The following SESN3 variants were observed in gnomAD, a reference collection of about 807,000 sequenced individuals.
SESN3 encodes sestrin 3.
Under a neutral mutation model 55.3 loss-of-function variants are expected in SESN3, and 21 were observed. That is an observed-to-expected ratio of 0.38 (90% CI 0.27 to 0.55). The LOEUF is 0.55. Ranked by LOEUF, SESN3 falls within the 20% of genes least tolerant of loss-of-function variation. The pLI is 0.76. For missense variants in SESN3, 408 were observed against 604.3 expected (o/e 0.68, Z 3.41); for synonymous variants, 181 against 203.1 (o/e 0.89, Z 0.93).
At chr11:95,177,972 T>G in intron 7 of SESN3, 63 bp from the exon 8 acceptor site, 1 of 1,141,710 alleles carries the variant, frequency 8.8e-7, no homozygotes, top group Non-Finnish European at 1.2e-6. Context: ...CTATGTATTA[T>G]TAAATATAAC....
At chr11:95,213,402 A>G (rs1860695154) in intron 1 of SESN3, among the ~76,000 whole-genome samples, 1 of 152,208 alleles carries the variant, frequency 6.6e-6, no homozygotes, top group Non-Finnish European at 1.5e-5. Context: ...ACAAAGGAAA[A>G]AGACAAAGTA....
intron 8 of SESN3, among the ~76,000 whole-genome samples, chr11:95,176,074 GT>G (rs1232642600): frequency 1.3e-5 from 2 of 152,176 alleles, no homozygotes; most frequent in African/African-American, 4.8e-5. Flanking sequence ...AGGACTTGAG[GT>G]AGGAGTCAAG....
intron 1 of SESN3, among the ~76,000 whole-genome samples, chr11:95,195,106 A>G (rs1332890672): frequency 6.6e-6 from 1 of 152,176 alleles, no homozygotes; most frequent in African/African-American, 2.4e-5. Flanking sequence ...ATAATAAAAA[A>G]TACATAAAAT....
In SESN3 at chr11:95,231,178, C is replaced by A; in HGVS notation, c.-318G>T. On this transcript the variant is annotated 5_prime_UTR_variant, in exon 1 of 10. Coordinates refer to ENST00000536441, the MANE Select transcript of SESN3 (RefSeq NM_144665.4). ...CAGCCGCCACCGCTGCCACCGCCACCACCGCCGCCGCAGCGCCTCAGTGCG... is the reference window on the plus strand; with the variant it reads ...CAGCCGCCACCGCTGCCACCGCCACAACCGCCGCCGCAGCGCCTCAGTGCG... 2 of 418,456 alleles carry A rather than the reference C, an allele frequency of 4.8e-6. No individual in the cohort carries two copies. The allele number at this position is 418,456 out of a possible 1,614,324, so 25.9% of individuals were successfully genotyped here.
At position 95,215,361 on chromosome 11, in the gene SESN3, G is replaced by A. The variant is rs146343669; in HGVS notation, c.78+15422C>T. 5.7e-4 allele frequency among the ~76,000 whole-genome samples: 86 copies of A among 152,200 alleles called. 1 individual carries two copies. Among genetic ancestry groups the A allele is most frequent in the African/African-American group, 1.7e-3 (72 of 41,540 alleles). On this transcript the variant is annotated intron_variant, in intron 1 of 9. Coordinates refer to ENST00000536441, the MANE Select transcript of SESN3 (RefSeq NM_144665.4). ...CATCGTCCTAGACATGAAACAAACT[G>A]ATTTGCCTACGGAATTGTTATTCTT...
At chr11:95,214,795 A>AT (rs1268456143) in intron 1 of SESN3, among the ~76,000 whole-genome samples, 3 of 152,210 alleles carry the variant, frequency 2.0e-5, no homozygotes, top group Non-Finnish European at 2.9e-5. Context: ...CTAAGATGGA[A>AT]AGACCTACCA....
chr11:95,193,575 T>A, intron 1 of SESN3, 53 bp from the exon 2 acceptor site: 1 of 990,696 alleles, frequency 1.0e-6, no homozygotes, highest in Non-Finnish European at 1.6e-6. Flanking sequence ...TAAGAAATGT[T>A]AAATTTGTAC....
At chr11:95,217,360 C>T (rs971229331) in intron 1 of SESN3, among the ~76,000 whole-genome samples, 2 of 152,044 alleles carry the variant, frequency 1.3e-5, no homozygotes, top group African/African-American at 4.8e-5. Context: ...CATTATTAAA[C>T]TACTTAACTG....
At chr11:95,178,624 G>A in intron 7 of SESN3, 86 bp downstream of exon 7, 1 of 822,766 alleles carries the variant, frequency 1.2e-6, no homozygotes, top group Admixed American at 1.9e-5. Flanking sequence ...ATCAAAAATT[G>A]TTTAGTGCCA....
In SESN3 at chr11:95,168,323, C is replaced by T. The variant is rs1198522053; in HGVS notation, c.*4932G>A. The stretch of plus-strand genomic sequence containing the variant: ...AACAGTATTCATTCATAACCTAATA[C>T]AAATCCAAGTTAGGATGGCAATTCA... On this transcript the variant is annotated 3_prime_UTR_variant, in exon 10 of 10. Transcript: ENST00000536441. 1 of 152,180 alleles carries T rather than the reference C, an allele frequency of 6.6e-6. No homozygotes were observed. Among genetic ancestry groups the T allele is most frequent in the East Asian group, 1.9e-4 (1 of 5,200 alleles). 9.4% of individuals were successfully genotyped at this position (152,180 alleles called of 1,614,324 possible).
At chr11:95,186,780 T>C (rs1455460082) in intron 4 of SESN3, among the ~76,000 whole-genome samples, 2 of 151,772 alleles carry the variant, frequency 1.3e-5, no homozygotes, top group African/African-American at 2.4e-5. Context: ...GACAAAAATA[T>C]CATTATTATA....
At chr11:95,198,383 TA>T (rs1860402657) in intron 1 of SESN3, among the ~76,000 whole-genome samples, 1 of 151,342 alleles carries the variant, frequency 6.6e-6, no homozygotes, top group Non-Finnish European at 1.5e-5. Context: ...AAAACAGCTA[TA>T]TTTTCTCAAC....
intron 4 of SESN3, among the ~76,000 whole-genome samples, chr11:95,186,194 C>CTGTGTGTGTGTGTGTGTGTGTG (rs35466696): frequency 0.018 from 1,891 of 107,506 alleles, 55 homozygotes; most frequent in East Asian, 0.024. Context: ...CTATCTCTCA[C>CTGTGTGTGTGTGTGTGTGTGTG]TGTGTGTGTG....
intron 3 of SESN3, 151 bp from the exon 4 acceptor site, chr11:95,190,112 A>G (rs568422419): frequency 4.9e-5 from 29 of 593,682 alleles, no homozygotes; most frequent in Non-Finnish European, 7.7e-5. Context: ...ATCCATCATA[A>G]TGATGTAATA....
At chr11:95,218,321 G>A (rs1416581747) in intron 1 of SESN3, among the ~76,000 whole-genome samples, 3 of 152,168 alleles carry the variant, frequency 2.0e-5, no homozygotes, top group Non-Finnish European at 4.4e-5. Context: ...TAACCTTGAA[G>A]ATCTCTAAGA....
chr11:95,173,130 AAC>A lies in SESN3; in HGVS notation c.*123_*124del. 5 of 547,630 alleles carry A rather than the reference AAC, an allele frequency of 9.1e-6. No homozygotes were observed. The highest frequency in any genetic ancestry group is 7.3e-5 in the South Asian group (2 of 27,476). The allele number at this position is 547,630 out of a possible 1,614,324, so 33.9% of individuals were successfully genotyped here. A position where few individuals can be genotyped will look rare whatever the true frequency, so the allele number is the denominator to read the frequency against. The stretch of plus-strand genomic sequence containing the variant: ...CAGCCGCAAAAAACAAAAAAAAAAA[AAC>A]AAACGGCTAAACTTTGACACTAGAG... On this transcript the variant is annotated 3_prime_UTR_variant, in exon 10 of 10. Transcript: ENST00000536441.
At chr11:95,175,391 G>T in intron 9 of SESN3, 107 bp downstream of exon 9, 1 of 1,017,516 alleles carries the variant, frequency 9.8e-7, no homozygotes, top group Non-Finnish European at 1.4e-6. Context: ...CCACTTCCAT[G>T]TCAATGGCTA....
At chr11:95,215,146 T>G (rs937068519) in intron 1 of SESN3, among the ~76,000 whole-genome samples, 1 of 151,842 alleles carries the variant, frequency 6.6e-6, no homozygotes, top group African/African-American at 2.4e-5. Context: ...TGGTTAATAC[T>G]ACTAGACTGG....
intron 1 of SESN3, among the ~76,000 whole-genome samples, chr11:95,199,775 T>C (rs2134243402): frequency 6.6e-6 from 1 of 152,224 alleles, no homozygotes; most frequent in Admixed American, 6.5e-5. Flanking sequence ...TCCACTAAAA[T>C]GTAAATGTTG....
Sources: allele counts gnomAD v4.1 joint callset (sites outside exome capture counted in the v4.1 genomes callset), GRCh38; gene constraint gnomAD v4.1.1; transcripts MANE v1.5; gene names NCBI Gene and HGNC (gene_info 2026-07-23, HGNC 2026-07-21).